Variants in ST6GALNAC3 observed in about 807,000 individuals in gnomAD.
ST6GALNAC3 encodes alpha-N-acetylgalactosaminide alpha-2,6-sialyltransferase 3.
A neutral mutation model predicts 32.7 loss-of-function variants in ST6GALNAC3; 25 were observed. That is an observed-to-expected ratio of 0.76 (90% CI 0.56 to 1.07). The LOEUF (loss-of-function observed/expected upper bound fraction) is 1.07, where lower values mean the gene tolerates loss of function less well. Among genes scored for constraint, ST6GALNAC3 ranks in the 50% least tolerant of loss-of-function variants. ST6GALNAC3 has a pLI of 0.00. For synonymous variants in ST6GALNAC3, 129 were observed against 133.1 expected (o/e 0.97, Z 0.21); for missense variants, 355 against 382.4 (o/e 0.93, Z 0.60).
chr1:76,346,728 C>A (rs942409091), intron 2 of ST6GALNAC3, among the ~76,000 whole-genome samples: 1 of 152,064 alleles, frequency 6.6e-6, no homozygotes, highest in African/African-American at 2.4e-5. Flanking sequence ...TTACATAATG[C>A]TCCTGAGCAC....
intron 3 of ST6GALNAC3, among the ~76,000 whole-genome samples, chr1:76,601,328 A>G (rs1647227739): frequency 6.6e-6 from 1 of 152,192 alleles, no homozygotes; most frequent in Admixed American, 6.5e-5. Context: ...ATGTAACTGG[A>G]TAAGTTAAAT....
chr1:76,201,972 G>T (rs985744728), intron 1 of ST6GALNAC3, among the ~76,000 whole-genome samples: 1 of 152,078 alleles, frequency 6.6e-6, no homozygotes, highest in Non-Finnish European at 1.5e-5. Flanking sequence ...GCCTCTGGGA[G>T]CATTGACTTG....
chr1:76,488,540 A>C (rs1438462463), intron 3 of ST6GALNAC3, among the ~76,000 whole-genome samples: 2 of 152,226 alleles, frequency 1.3e-5, no homozygotes, highest in Non-Finnish European at 2.9e-5. Flanking sequence ...GTAAGCTTAG[A>C]TCCATGCTGT....
At chr1:76,185,035 C>A (rs759660209) in intron 1 of ST6GALNAC3, among the ~76,000 whole-genome samples, 1 of 151,928 alleles carries the variant, frequency 6.6e-6, no homozygotes, top group Non-Finnish European at 1.5e-5. Flanking sequence ...TTTTTTTAAT[C>A]CTCGCACAAC....
chr1:76,479,576 G>A (rs1035919540), intron 3 of ST6GALNAC3, among the ~76,000 whole-genome samples: 3 of 152,140 alleles, frequency 2.0e-5, no homozygotes, highest in Non-Finnish European at 4.4e-5. Context: ...GAGAACATGC[G>A]CAAGGGTGGG....
intron 2 of ST6GALNAC3, among the ~76,000 whole-genome samples, chr1:76,386,521 T>C (rs1051641689): frequency 2.0e-5 from 3 of 152,208 alleles, no homozygotes; most frequent in African/African-American, 7.2e-5. Flanking sequence ...AATGTGCTCC[T>C]TCCTTATTTT....
chr1:76,344,562 C>G (rs1168044665), intron 2 of ST6GALNAC3, among the ~76,000 whole-genome samples: 1 of 152,154 alleles, frequency 6.6e-6, no homozygotes. Flanking sequence ...ATGGCTGTCT[C>G]TACTGCTTAG....
intron 3 of ST6GALNAC3, among the ~76,000 whole-genome samples, chr1:76,558,499 A>T (rs955852601): frequency 6.6e-6 from 1 of 152,206 alleles, no homozygotes; most frequent in African/African-American, 2.4e-5. Flanking sequence ...ACAGAAAATC[A>T]AATGCCACAT....
chr1:76,495,214 G>A (rs1382919467), intron 3 of ST6GALNAC3, among the ~76,000 whole-genome samples: 8 of 152,082 alleles, frequency 5.3e-5, no homozygotes, highest in East Asian at 1.9e-4. Flanking sequence ...TAAATTAACC[G>A]TAACATGTAC....
At chr1:76,126,545 T>G (rs1468233850) in intron 1 of ST6GALNAC3, among the ~76,000 whole-genome samples, 1 of 152,132 alleles carries the variant, frequency 6.6e-6, no homozygotes, top group African/African-American at 2.4e-5. Context: ...TTTCTTTTCT[T>G]AATCAAGTGA....
intron 3 of ST6GALNAC3, among the ~76,000 whole-genome samples, chr1:76,511,583 C>A (rs1661865891): frequency 6.6e-6 from 1 of 152,200 alleles, no homozygotes; most frequent in Admixed American, 6.5e-5. Flanking sequence ...ACAGAATTTT[C>A]ATCTTCCCTT....
chr1:76,112,112 G>C lies in ST6GALNAC3; in HGVS notation c.18+37228G>C, dbSNP rs371474353. On this transcript the variant is annotated intron_variant, in intron 1 of 4. Transcript: ENST00000328299. ...CCCGGACGGGGCGGCTGGCCGGGCG[G>C]GGGGCTGACACTCCCACCTCCCTCC... 8.9e-4 allele frequency among the ~76,000 whole-genome samples: 129 copies of C among 144,166 alleles called. No individual in the cohort carries two copies. The East Asian group carries it at 0.024, about 27-fold the overall frequency. 94.6% of individuals were successfully genotyped at this position (144,166 alleles called of 152,430 possible).
intron 1 of ST6GALNAC3, among the ~76,000 whole-genome samples, chr1:76,081,285 TAAAA>T (rs10526487): frequency 1.7e-5 from 2 of 120,498 alleles, no homozygotes; most frequent in Admixed American, 7.8e-5. Context: ...GCTGGTGAGC[TAAAA>T]AAAAAAAAAA....
intron 1 of ST6GALNAC3, among the ~76,000 whole-genome samples, chr1:76,156,136 G>GT (rs1651403808): frequency 6.6e-6 from 1 of 152,066 alleles, no homozygotes; most frequent in African/African-American, 2.4e-5. Context: ...GGGGTTATGG[G>GT]TTTTTGAGAG....
In ST6GALNAC3 at chr1:76,518,147, G is replaced by A. The variant is rs1259868097; in HGVS notation, c.623+105730G>A. ...ATTTCTCCTTATAAAATTTTAATAA[G>A]TTGACCTTATATTTTTGATGCATGT... On this transcript the variant is annotated intron_variant, in intron 3 of 4. Coordinates refer to ENST00000328299, the MANE Select transcript of ST6GALNAC3 (RefSeq NM_152996.4). Among the ~76,000 whole-genome samples, 3 of 151,832 alleles carry A rather than the reference G, an allele frequency of 2.0e-5. No homozygotes were observed. The East Asian group carries it at 5.8e-4, about 29-fold the overall frequency.
chr1:76,078,672 G>A (rs1571094178), intron 1 of ST6GALNAC3, among the ~76,000 whole-genome samples: 2 of 152,260 alleles, frequency 1.3e-5, no homozygotes, highest in East Asian at 3.9e-4. Flanking sequence ...GGGGAAAAAA[G>A]AAACTCTGAA....
At chr1:76,307,225 G>A (rs1363756992) in intron 1 of ST6GALNAC3, among the ~76,000 whole-genome samples, 1 of 152,062 alleles carries the variant, frequency 6.6e-6, no homozygotes, top group African/African-American at 2.4e-5. Context: ...TAACAAATTA[G>A]TGGGGTTTTT....
intron 1 of ST6GALNAC3, among the ~76,000 whole-genome samples, chr1:76,312,073 A>C (rs1646775671): frequency 2.6e-5 from 4 of 152,090 alleles, no homozygotes; most frequent in Admixed American, 2.0e-4. Context: ...GCTTCAGCCA[A>C]AACAGATAAA....
chr1:76,097,717 A>G (rs992581317), intron 1 of ST6GALNAC3, among the ~76,000 whole-genome samples: 1 of 152,124 alleles, frequency 6.6e-6, no homozygotes, highest in African/African-American at 2.4e-5. Context: ...TTATAGGAAT[A>G]TTCCACTATT....
Sources: gnomAD v4.1 joint callset for allele counts (sites outside exome capture counted in the v4.1 genomes callset) on GRCh38, gnomAD v4.1.1 for gene constraint, MANE v1.5 for transcripts, NCBI Gene and HGNC (gene_info 2026-07-23, HGNC 2026-07-21) for gene names.